The following PIK3R4 variants were observed in gnomAD, a reference collection of about 807,000 sequenced individuals.
The protein encoded by PIK3R4 is phosphoinositide 3-kinase regulatory subunit 4.
Under a neutral mutation model 136.5 loss-of-function variants are expected in PIK3R4, and 46 were observed. That is an observed-to-expected ratio of 0.34 (90% CI 0.27 to 0.43). The LOEUF is 0.43. PIK3R4 is among the 20% of genes least tolerant of loss of function. The pLI is 1.00. For synonymous variants in PIK3R4, 557 were observed against 566.7 expected (o/e 0.98, Z 0.24); for missense variants, 1,331 against 1,649.5 (o/e 0.81, Z 3.35).
intron 9 of PIK3R4, among the ~76,000 whole-genome samples, chr3:130,715,911 A>G: frequency 6.6e-6 from 1 of 152,234 alleles, no homozygotes; most frequent in East Asian, 1.9e-4. Flanking sequence ...ATACCAGTAA[A>G]CTGCTGGTCT....
intron 3 of PIK3R4, 37 bp downstream of exon 3, chr3:130,735,832 T>C: frequency 1.3e-6 from 2 of 1,576,942 alleles, no homozygotes; most frequent in Non-Finnish European, 1.7e-6. Context: ...CTAGATCCTA[T>C]TAAAAACTTT....
At chr3:130,741,858 G>C (rs1331345954) in intron 2 of PIK3R4, among the ~76,000 whole-genome samples, 1 of 152,178 alleles carries the variant, frequency 6.6e-6, no homozygotes, top group Admixed American at 6.6e-5. Flanking sequence ...AAGATCTGCA[G>C]CACACAAGGC....
At position 130,733,950 on chromosome 3, in the gene PIK3R4, A is replaced by C; in HGVS notation, c.1048T>G (p.Leu350Val). ...CAGAGATTGTGAATAATGTTGCCCA[A>C]ATCCTTCCGTATAACCAGAATACGC... ...DERILVIRKD[L>V]GNIIHNLCGH... The change falls in exon 4 of 20, where the codon TTG (leucine) becomes GTG (valine). Residue 350 changes from leucine to valine, a missense_variant. Coordinates refer to ENST00000356763, the MANE Select transcript of PIK3R4 (RefSeq NM_014602.3). The C allele has an allele frequency of 6.2e-7, 1 of 1,614,130 alleles. No homozygotes were observed. Among genetic ancestry groups the C allele is most frequent in the Admixed American group, 1.7e-5 (1 of 60,016 alleles).
intron 16 of PIK3R4, among the ~76,000 whole-genome samples, chr3:130,682,827 G>C (rs62280689): frequency 1 from 152,332 of 152,336 alleles, 76,164 homozygotes; most frequent in Non-Finnish European, 1. Context: ...AGAATTGTAG[G>C]TGATAAGGGT....
intron 6 of PIK3R4, among the ~76,000 whole-genome samples, chr3:130,727,853 C>T (rs2066741791): frequency 6.6e-6 from 1 of 151,774 alleles, no homozygotes; most frequent in African/African-American, 2.4e-5. Context: ...ATTCTGAATA[C>T]AAATGTAATA....
At chr3:130,704,011 G>T in intron 12 of PIK3R4, 123 bp from the exon 13 acceptor site, 1 of 643,254 alleles carries the variant, frequency 1.6e-6, no homozygotes, top group Non-Finnish European at 2.7e-6. Context: ...ATATTTGAAA[G>T]TACCAATAGT....
chr3:130,686,563 T>TA lies in PIK3R4; in HGVS notation c.3264-142dup, dbSNP rs1480251671. On this transcript the variant is annotated intron_variant, in intron 14 of 19. Transcript: ENST00000356763. ...ATCAAGAAAACGAAAGCCGACACAT[T>TA]AAAAAAATTCCAGATGTAGAGAAGA... 5.0e-6 allele frequency: 3 copies of TA among 600,330 alleles called. No homozygotes were observed. The African/African-American group carries it at 5.6e-5, about 11-fold the overall frequency. The allele number at this position is 600,330 out of a possible 1,614,324, so 37.2% of individuals were successfully genotyped here.
In PIK3R4 at chr3:130,679,165, T is replaced by C. The variant is rs1055647263; in HGVS notation, c.*150A>G. The C allele has an allele frequency of 6.9e-6, 3 of 432,808 alleles. No individual in the cohort carries two copies. The highest frequency in any genetic ancestry group is 6.1e-5 in the African/African-American group (3 of 49,230). The allele number at this position is 432,808 out of a possible 1,614,324, so 26.8% of individuals were successfully genotyped here. A position where few individuals can be genotyped will look rare whatever the true frequency, so the allele number is the denominator to read the frequency against. ...ACTAGTCAAGTACATCTTAACCATTTTGGGTGTCATTTAGTCAGTCAGTCA... is the reference window on the plus strand; with the variant it reads ...ACTAGTCAAGTACATCTTAACCATTCTGGGTGTCATTTAGTCAGTCAGTCA... On this transcript the variant is annotated 3_prime_UTR_variant, in exon 20 of 20. Coordinates refer to ENST00000356763, the MANE Select transcript of PIK3R4 (RefSeq NM_014602.3).
At chr3:130,737,665 A>C (rs2066793790) in intron 2 of PIK3R4, among the ~76,000 whole-genome samples, 1 of 152,232 alleles carries the variant, frequency 6.6e-6, no homozygotes, top group South Asian at 2.1e-4. Context: ...GTCTCAAAAA[A>C]AGAAAAGAGA....
chr3:130,745,503 C>T (rs931566084), intron 1 of PIK3R4, among the ~76,000 whole-genome samples: 4 of 152,168 alleles, frequency 2.6e-5, no homozygotes, highest in Admixed American at 2.6e-4. Context: ...CCTGCTATTG[C>T]GCATCGCCAT....
intron 15 of PIK3R4, among the ~76,000 whole-genome samples, chr3:130,684,940 A>G (rs1168315386): frequency 1.3e-5 from 2 of 152,230 alleles, no homozygotes; most frequent in Non-Finnish European, 2.9e-5. Context: ...TTCCATATAA[A>G]CTACATAAAA....
chr3:130,680,988 A>G lies in PIK3R4; in HGVS notation c.3786T>C (p.Asp1262=), dbSNP rs2108513543. The G allele has an allele frequency of 1.3e-6, 2 of 1,537,218 alleles. No homozygotes were observed. Among genetic ancestry groups the G allele is most frequent in the South Asian group, 1.2e-5 (1 of 86,358 alleles). ...GNPILLTAGS[D]MKIRFWDLAY... is the part of the protein sequence containing the mutation. ...TTGAGATAGTGTACCTTATTTTCAT[A>G]TCTGAGCCAGCTGTTAGTAGGATAG... Residue 1262 remains aspartate (D), a synonymous_variant, in exon 18 of 20, where the codon GAT becomes GAC. Transcript: ENST00000356763.
Position 130,703,839 on chromosome 3 carries a change from A to G in PIK3R4, c.2982T>C (p.Ser994=), listed in dbSNP as rs774325910. The change falls in exon 13 of 20, where the codon TCT becomes TCC. Residue 994 remains serine, a synonymous_variant. Transcript: ENST00000356763. ...LLVAHLHEHK[S]AVNRIRVSDE... ...CAGAGACTCTAATTCGATTCACAGC[A>G]GATTTATGCTCATGAAGATGGGCAA... 6.8e-6 allele frequency: 11 copies of G among 1,612,868 alleles called. No individual in the cohort carries two copies. The highest frequency in any genetic ancestry group is 9.3e-6 in the Non-Finnish European group (11 of 1,179,008).
chr3:130,700,167 T>C (rs1350635050), intron 13 of PIK3R4, among the ~76,000 whole-genome samples: 2 of 152,204 alleles, frequency 1.3e-5, no homozygotes, highest in South Asian at 4.1e-4. Flanking sequence ...TTCCTAAGAT[T>C]CAGACATCAG....
intron 2 of PIK3R4, among the ~76,000 whole-genome samples, chr3:130,738,014 T>C (rs1024612780): frequency 5.9e-5 from 9 of 152,192 alleles, no homozygotes; most frequent in Non-Finnish European, 8.8e-5. Context: ...GCAATTTACA[T>C]GAGGAAGGGA....
chr3:130,735,658 A>ATT (rs200711191), intron 3 of PIK3R4, among the ~76,000 whole-genome samples: 2 of 152,102 alleles, frequency 1.3e-5, no homozygotes, highest in Admixed American at 6.6e-5. Flanking sequence ...TAATAAATAG[A>ATT]TTTTTTTTAA....
At chr3:130,706,857 T>C in intron 11 of PIK3R4, 91 bp downstream of exon 11, 1 of 920,126 alleles carries the variant, frequency 1.1e-6, no homozygotes. Flanking sequence ...CATATTGATT[T>C]TTCCACTACA....
rs557213623 is a variant in PIK3R4 at position 130,719,223 on chromosome 3, CAT to C, written c.1982-691_1982-690del. 3.1e-3 allele frequency among the ~76,000 whole-genome samples: 475 copies of C among 152,154 alleles called. 4 individuals carry two copies. The highest frequency in any genetic ancestry group is 0.011 in the African/African-American group (453 of 41,522). On this transcript the variant is annotated intron_variant, in intron 7 of 19. Transcript: ENST00000356763. ...CCTTTTAACGATTTTATGTATTAAACATAAAATCAATGATTTCAACTAATCGA... is the reference window on the plus strand; with the variant it reads ...CCTTTTAACGATTTTATGTATTAAACAAAATCAATGATTTCAACTAATCGA...
intron 13 of PIK3R4, among the ~76,000 whole-genome samples, chr3:130,703,410 C>G (rs2066590307): frequency 6.6e-6 from 1 of 152,182 alleles, no homozygotes; most frequent in South Asian, 2.1e-4. Flanking sequence ...ATGTCATTTT[C>G]CCTGTGAGGC....
Sources: allele counts gnomAD v4.1 joint callset (sites outside exome capture counted in the v4.1 genomes callset), GRCh38; gene constraint gnomAD v4.1.1; transcripts MANE v1.5; gene names NCBI Gene and HGNC (gene_info 2026-07-23, HGNC 2026-07-21).